Variants in KCNK13 observed in about 807,000 individuals in gnomAD.
The protein encoded by KCNK13 is potassium channel subfamily K member 13.
A neutral mutation model predicts 23.4 loss-of-function variants in KCNK13; 12 were observed. The observed-to-expected ratio is 0.51, with a 90% CI of 0.33 to 0.83. The LOEUF is 0.83. Ranked by LOEUF, KCNK13 falls within the 40% of genes least tolerant of loss-of-function variation. KCNK13 has a pLI of 0.02. For synonymous variants in KCNK13, 231 were observed against 229.5 expected (o/e 1.01, Z -0.06); for missense variants, 463 against 556.3 (o/e 0.83, Z 1.69).
At chr14:90,110,176 C>T (rs2140411943) in intron 1 of KCNK13, among the ~76,000 whole-genome samples, 1 of 152,276 alleles carries the variant, frequency 6.6e-6, no homozygotes, top group African/African-American at 2.4e-5. Context: ...AGGTGTGCTA[C>T]TACAGCTTTA....
chr14:90,154,255 TCTACCCACAATGCCTGCTCTC>T (rs1227331838), intron 1 of KCNK13, among the ~76,000 whole-genome samples: 3 of 151,296 alleles, frequency 2.0e-5, no homozygotes, highest in African/African-American at 7.3e-5. Flanking sequence ...TGCCTGCTCT[TCTACCCACAATGCCTGCTCTC>T]CTACCCACAA....
chr14:90,133,991 A>G lies in KCNK13; in HGVS notation c.335-50120A>G, dbSNP rs544586020. Among the ~76,000 whole-genome samples the G allele has an allele frequency of 2.8e-4, 42 of 152,310 alleles. 1 individual carries two copies. In the South Asian group the frequency reaches 4.4e-3, roughly 16 times the overall value. The stretch of plus-strand genomic sequence containing the variant: ...AGGGCCTACCTCGGGTCGGGCACCA[A>G]TTATGTGTATCAAGTCCCAACAATG... On this transcript the variant is annotated intron_variant, in intron 1 of 1. Coordinates refer to ENST00000282146, the MANE Select transcript of KCNK13 (RefSeq NM_022054.4).
intron 1 of KCNK13, among the ~76,000 whole-genome samples, chr14:90,139,981 T>A (rs1477343896): frequency 6.6e-6 from 1 of 151,810 alleles, no homozygotes; most frequent in Non-Finnish European, 1.5e-5. Flanking sequence ...CAAAAAAAAA[T>A]TCTGCTAGGA....
chr14:90,107,977 G>T (rs1596781083), intron 1 of KCNK13: 5 of 722,204 alleles, frequency 6.9e-6, no homozygotes, highest in East Asian at 5.6e-5. Context: ...GGCTAAAGCA[G>T]ATTGGAGTTT....
intron 1 of KCNK13, among the ~76,000 whole-genome samples, chr14:90,148,555 A>AG (rs201021030): frequency 0.019 from 2,961 of 152,306 alleles, 44 homozygotes; most frequent in Non-Finnish European, 0.029. Context: ...TGGGAAGAAG[A>AG]GGGGCAGGGT....
intron 1 of KCNK13, among the ~76,000 whole-genome samples, chr14:90,173,354 C>G (rs1303242049): frequency 2.0e-5 from 3 of 152,182 alleles, no homozygotes. Context: ...GAGACCCCAC[C>G]TCTAAAAATT....
At chr14:90,065,137 T>C (rs114712210) in intron 1 of KCNK13, among the ~76,000 whole-genome samples, 3 of 152,246 alleles carry the variant, frequency 2.0e-5, no homozygotes, top group African/African-American at 7.2e-5. Flanking sequence ...TATATACATA[T>C]GCATTTTTAA....
intron 1 of KCNK13, among the ~76,000 whole-genome samples, chr14:90,072,964 T>C (rs965542621): frequency 1.3e-5 from 2 of 152,124 alleles, no homozygotes; most frequent in Admixed American, 1.3e-4. Flanking sequence ...ATAAGATTGG[T>C]ACTATTAATA....
chr14:90,092,912 CAAAA>C (rs34122207), intron 1 of KCNK13, among the ~76,000 whole-genome samples: 2 of 78,292 alleles, frequency 2.6e-5, no homozygotes, highest in Non-Finnish European at 2.5e-5. Context: ...ACCCTGTCTC[CAAAA>C]AAAAAAAAAA....
intron 1 of KCNK13, among the ~76,000 whole-genome samples, chr14:90,107,330 T>A (rs1889557232): frequency 1.3e-5 from 2 of 151,968 alleles, no homozygotes; most frequent in Non-Finnish European, 2.9e-5. Context: ...TAGAAAAAAT[T>A]AGCCAGGCGT....
chr14:90,064,966 A>AC (rs1340686309), intron 1 of KCNK13, among the ~76,000 whole-genome samples: 1 of 151,912 alleles, frequency 6.6e-6, no homozygotes, highest in Non-Finnish European at 1.5e-5. Flanking sequence ...TAGGCATAAC[A>AC]CTCCCCCGTT....
At chr14:90,100,760 C>T (rs1889466752) in intron 1 of KCNK13, among the ~76,000 whole-genome samples, 1 of 152,160 alleles carries the variant, frequency 6.6e-6, no homozygotes, top group Non-Finnish European at 1.5e-5. Context: ...GGTATGATCA[C>T]ATCTTACTGC....
At chr14:90,105,363 C>T (rs1336174055) in intron 1 of KCNK13, among the ~76,000 whole-genome samples, 1 of 152,172 alleles carries the variant, frequency 6.6e-6, no homozygotes, top group Non-Finnish European at 1.5e-5. Flanking sequence ...AAGTAGTCCT[C>T]ACCTCATTTA....
rs549305451 is a variant in KCNK13, at chr14:90,066,571, T to A, written c.334+4032T>A. Among the ~76,000 whole-genome samples the A allele has an allele frequency of 2.6e-5, 4 of 152,310 alleles. No individual in the cohort carries two copies. In the East Asian group the frequency reaches 7.7e-4, roughly 29 times the overall value. On this transcript the variant is annotated intron_variant, in intron 1 of 1. Coordinates refer to ENST00000282146, the MANE Select transcript of KCNK13 (RefSeq NM_022054.4). ...TGTGAGCCACTGCACCTGGCCCCAGTACCTAATTCTCAAAAGTATTTTCTC... is the reference window on the plus strand; with the variant it reads ...TGTGAGCCACTGCACCTGGCCCCAGAACCTAATTCTCAAAAGTATTTTCTC...
At chr14:90,093,939 A>T (rs1304949510) in intron 1 of KCNK13, among the ~76,000 whole-genome samples, 3 of 152,136 alleles carry the variant, frequency 2.0e-5, no homozygotes, top group Non-Finnish European at 4.4e-5. Context: ...GACTTGCCAT[A>T]TTGGGATTTG....
chr14:90,182,211 G>C (rs531687889), intron 1 of KCNK13, among the ~76,000 whole-genome samples: 3 of 152,118 alleles, frequency 2.0e-5, no homozygotes, highest in Non-Finnish European at 4.4e-5. Context: ...CCCAAATGCA[G>C]CTCCTTGTGT....
intron 1 of KCNK13, among the ~76,000 whole-genome samples, chr14:90,107,434 C>T (rs1199889200): frequency 6.6e-6 from 1 of 152,184 alleles, no homozygotes; most frequent in Non-Finnish European, 1.5e-5. Flanking sequence ...GCCGAGATGG[C>T]ACCACTGCCC....
intron 1 of KCNK13, among the ~76,000 whole-genome samples, chr14:90,156,718 T>C (rs1890198969): frequency 6.6e-6 from 1 of 152,166 alleles, no homozygotes; most frequent in South Asian, 2.1e-4. Context: ...ATTCCACAGA[T>C]GAGGCATAGG....
At chr14:90,169,339 C>A (rs1489481330) in intron 1 of KCNK13, among the ~76,000 whole-genome samples, 3 of 152,150 alleles carry the variant, frequency 2.0e-5, no homozygotes, top group Non-Finnish European at 4.4e-5. Context: ...AGGTCGCCTT[C>A]TTGTGTGTTA....
Sources: allele counts gnomAD v4.1 joint callset (sites outside exome capture counted in the v4.1 genomes callset), GRCh38; gene constraint gnomAD v4.1.1; transcripts MANE v1.5; gene names NCBI Gene and HGNC (gene_info 2026-07-23, HGNC 2026-07-21).